Variants in LTBP1 observed in about 807,000 individuals in gnomAD.
The protein encoded by LTBP1 is latent transforming growth factor beta binding protein 1.
In LTBP1, 129 loss-of-function variants were observed where a neutral mutation model predicts 207.6. The ratio of observed to expected loss-of-function variants is 0.62; its 90% confidence interval spans 0.54 to 0.72. The LOEUF is 0.72. Ranked by LOEUF, LTBP1 falls within the 30% of genes least tolerant of loss-of-function variation. The pLI, the probability that LTBP1 is intolerant of heterozygous loss-of-function variation, is 0.00. For synonymous variants in LTBP1, 963 were observed against 833.7 expected, an observed-to-expected ratio of 1.16 and a Z score of -2.67; for missense variants, 2,281 against 2,217.2, an observed-to-expected ratio of 1.03 and a Z score of -0.58.
At chr2:32,993,738 C>T (rs957088796) in intron 2 of LTBP1, among the ~76,000 whole-genome samples, 5 of 152,096 alleles carry the variant, frequency 3.3e-5, no homozygotes, top group South Asian at 2.1e-4. Context: ...AGAAGGGAAG[C>T]GCTGGGGGTC....
intron 10 of LTBP1, among the ~76,000 whole-genome samples, chr2:33,248,565 T>G (rs1459126582): frequency 6.6e-6 from 1 of 152,050 alleles, no homozygotes; most frequent in Admixed American, 6.6e-5. Flanking sequence ...TTATTGTTTC[T>G]TTTATTTTGG....
chr2:33,186,770 G>A, intron 5 of LTBP1, 86 bp from the exon 6 acceptor site: 1 of 992,284 alleles, frequency 1.0e-6, no homozygotes, highest in Non-Finnish European at 1.6e-6. Flanking sequence ...ATAATGGGCT[G>A]TATGTTTTGC....
In LTBP1 at chr2:32,947,393, C is replaced by A; in HGVS notation, c.69C>A (p.Gly23=). ...GGCTCCTCGCGTCCTCGGCGCACGG[C>A]CGGCTGCGGAGGATCACCTACGTGG... ...WAGLLASSAH[G]RLRRITYVVH... is the part of the protein sequence containing the mutation. The change falls in exon 1 of 34, where the codon GGC becomes GGA. Residue 23 remains glycine, a synonymous_variant. Transcript: ENST00000404816. The A allele has an allele frequency of 7.1e-7, 1 of 1,401,448 alleles. No individual in the cohort carries two copies. Among genetic ancestry groups the A allele is most frequent in the South Asian group, 1.5e-5 (1 of 67,334 alleles). The allele number at this position is 1,401,448 out of a possible 1,614,324, so 86.8% of individuals were successfully genotyped here.
At chr2:33,308,610 A>G (rs1029510638) in intron 22 of LTBP1, among the ~76,000 whole-genome samples, 5 of 152,192 alleles carry the variant, frequency 3.3e-5, no homozygotes, top group Non-Finnish European at 2.9e-5. Context: ...AGTTGATGCT[A>G]CTACTTTGTC....
At chr2:32,951,197 A>G (rs1044285813) in intron 2 of LTBP1, among the ~76,000 whole-genome samples, 5 of 152,260 alleles carry the variant, frequency 3.3e-5, no homozygotes, top group Non-Finnish European at 7.3e-5. Flanking sequence ...CAGTACCAGC[A>G]TCTAAGCAAT....
At position 33,275,815 on chromosome 2, in the gene LTBP1, C is replaced by T. The variant is rs780803218; in HGVS notation, c.2884C>T (p.Leu962=). The part of the protein sequence containing the change: ...GTNCIDVDEC[L]RPDVCGEGHC... ...GCTCTTCGTAGATGTTGACGAATGC[C>T]TGAGGCCGGACGTCTGTGGGGAGGG... Residue 962 remains leucine, a synonymous_variant, in exon 18 of 34, where the codon CTG becomes TTG. Coordinates refer to ENST00000404816, the MANE Select transcript of LTBP1 (RefSeq NM_206943.4). 1 of 1,614,054 alleles carries T rather than the reference C, an allele frequency of 6.2e-7. No homozygotes were observed. Among genetic ancestry groups the T allele is most frequent in the East Asian group, 2.2e-5 (1 of 44,890 alleles).
intron 3 of LTBP1, among the ~76,000 whole-genome samples, chr2:33,058,817 A>C (rs1167232467): frequency 1.3e-5 from 2 of 152,224 alleles, no homozygotes; most frequent in Admixed American, 1.3e-4. Flanking sequence ...ATGGTACCTT[A>C]CTATAAATGT....
chr2:33,324,004 A>G (rs775497745), intron 24 of LTBP1, among the ~76,000 whole-genome samples: 1 of 152,166 alleles, frequency 6.6e-6, no homozygotes, highest in African/African-American at 2.4e-5. Context: ...TAGTAAGAAT[A>G]ATAATAGCAC....
At chr2:33,148,924 G>C (rs904018129) in intron 5 of LTBP1, among the ~76,000 whole-genome samples, 1 of 152,126 alleles carries the variant, frequency 6.6e-6, no homozygotes, top group East Asian at 1.9e-4. Context: ...GTACAAGAGA[G>C]CTCCCATGGG....
chr2:33,050,966 A>G (rs548352194), intron 3 of LTBP1, among the ~76,000 whole-genome samples: 3 of 151,940 alleles, frequency 2.0e-5, no homozygotes, highest in Admixed American at 1.3e-4. Flanking sequence ...CTTGTGATCC[A>G]CCCACCTTGG....
chr2:32,990,658 GTA>G (rs964630785), intron 2 of LTBP1, among the ~76,000 whole-genome samples: 1 of 152,182 alleles, frequency 6.6e-6, no homozygotes, highest in Admixed American at 6.5e-5. Flanking sequence ...AAATAAATGA[GTA>G]TGTGTGTGTG....
intron 3 of LTBP1, among the ~76,000 whole-genome samples, chr2:33,109,380 T>C (rs2080257814): frequency 6.6e-6 from 1 of 152,260 alleles, no homozygotes; most frequent in African/African-American, 2.4e-5. Flanking sequence ...TGTTCCCTTC[T>C]AAAAGCTCAG....
At chr2:33,119,559 T>C (rs1217474834) in intron 4 of LTBP1, among the ~76,000 whole-genome samples, 1 of 152,102 alleles carries the variant, frequency 6.6e-6, no homozygotes, top group Non-Finnish European at 1.5e-5. Flanking sequence ...TACCTTTCTT[T>C]CTTTCTTTTA....
intron 25 of LTBP1, 149 bp downstream of exon 25, chr2:33,343,112 TC>T: frequency 1.0e-6 from 1 of 1,003,946 alleles, no homozygotes; most frequent in Non-Finnish European, 1.4e-6. Flanking sequence ...TGCAAAAATA[TC>T]CTATGTTGGC....
chr2:33,223,189 A>G (rs191478413), intron 9 of LTBP1, among the ~76,000 whole-genome samples: 1 of 152,192 alleles, frequency 6.6e-6, no homozygotes, highest in African/African-American at 2.4e-5. Context: ...TCTCAAGTAG[A>G]TTGTCTATCA....
intron 23 of LTBP1, among the ~76,000 whole-genome samples, chr2:33,311,626 C>T (rs2094189764): frequency 6.6e-6 from 1 of 151,394 alleles, no homozygotes; most frequent in Non-Finnish European, 1.5e-5. Flanking sequence ...TAATTCTTCT[C>T]GTCACAATTT....
chr2:33,337,469 G>A (rs928398278), intron 24 of LTBP1, among the ~76,000 whole-genome samples: 2 of 152,146 alleles, frequency 1.3e-5, no homozygotes, highest in African/African-American at 2.4e-5. Flanking sequence ...ATCAGGGATC[G>A]ATTCTCCTTG....
intron 5 of LTBP1, among the ~76,000 whole-genome samples, chr2:33,161,326 T>G (rs756233239): frequency 3.3e-5 from 5 of 151,044 alleles, no homozygotes; most frequent in Non-Finnish European, 4.4e-5. Flanking sequence ...GTGACATGAT[T>G]TCAGCTCTGT....
rs1261031902 is a variant in LTBP1 at position 33,363,473 on chromosome 2, T to C, written c.4354T>C (p.Cys1452Arg). Residue 1452 changes from cysteine (C) to arginine (R), a missense_variant, in exon 29 of 34, where the codon TGT becomes CGT. Physicochemically the swap from Cys to Arg is radical, Grantham distance 180. This residue lies in a region of LTBP1 where 1,671 missense variants were observed against 1,634.8 expected (regional missense o/e 1.02). Transcript: ENST00000404816. ...CACTCGGCCTGGGTATGAATGCTAC[T>C]GTAAGCAAGGGACGTACTATGATCC... ...LNTRPGYECY[C>R]KQGTYYDPVK... 6.2e-7 allele frequency: 1 copy of C among 1,613,850 alleles called. No individual in the cohort carries two copies. Among genetic ancestry groups the C allele is most frequent in the Non-Finnish European group, 8.5e-7 (1 of 1,179,864 alleles).
Sources: gnomAD v4.1 joint callset for allele counts (sites outside exome capture counted in the v4.1 genomes callset) on GRCh38, gnomAD v4.1.1 for gene constraint, gnomAD v4.1.1 regional missense constraint, MANE v1.5 for transcripts, NCBI Gene and HGNC (gene_info 2026-07-23, HGNC 2026-07-21) for gene names.